PRELID2: variants seen among roughly 807,000 people sequenced by gnomAD.
PRELID2 encodes PRELI domain-containing protein 2.
In PRELID2, 25 loss-of-function variants were observed where a neutral mutation model predicts 28.4. The ratio of observed to expected loss-of-function variants is 0.88; its 90% CI spans 0.64 to 1.23. PRELID2 has a LOEUF of 1.23. PRELID2 is among the 50% of genes most tolerant of loss of function. The pLI is 0.00. For synonymous variants in PRELID2, 76 were observed against 71.6 expected, an observed-to-expected ratio of 1.06 and a Z score of -0.31; for missense variants, 201 against 214.4, an observed-to-expected ratio of 0.94 and a Z score of 0.39.
chr5:145,324,922 T>C, the PRELID2 span, among the ~76,000 whole-genome samples: 2 of 152,302 alleles, frequency 1.3e-5, no homozygotes, highest in Non-Finnish European at 2.9e-5. Context: ...TTGTAGGTTC[T>C]GTTTCATTCA....
chr5:145,333,229 A>G, the PRELID2 span, among the ~76,000 whole-genome samples: 1 of 152,178 alleles, frequency 6.6e-6, no homozygotes. Flanking sequence ...GGTGTCTCCC[A>G]GTCAGGAGGC....
chr5:145,250,315 T>C, the PRELID2 span, among the ~76,000 whole-genome samples: 1 of 152,136 alleles, frequency 6.6e-6, no homozygotes, highest in Admixed American at 6.6e-5. Context: ...GAGTATTTTA[T>C]AGTCAGCAAT....
At chr5:145,719,670 A>C (rs573589270) in intron 1 of PRELID2, among the ~76,000 whole-genome samples, 5 of 152,122 alleles carry the variant, frequency 3.3e-5, no homozygotes, top group African/African-American at 9.6e-5. Flanking sequence ...CTGATACACA[A>C]AATAAAGACT....
At chr5:145,249,974 G>A in the PRELID2 span, among the ~76,000 whole-genome samples, 118 of 149,708 alleles carry the variant, frequency 7.9e-4, no homozygotes, top group African/African-American at 2.9e-3. Flanking sequence ...TCCTTTTGAT[G>A]CATAGCCAAT....
intron 1 of PRELID2, among the ~76,000 whole-genome samples, chr5:145,702,999 A>T (rs1299471110): frequency 6.6e-6 from 1 of 152,218 alleles, no homozygotes; most frequent in Non-Finnish European, 1.5e-5. Flanking sequence ...GCAATTACTC[A>T]ACTCTCAACC....
At chr5:145,498,722 G>GT (rs369478611) in intron 1 of PRELID2, among the ~76,000 whole-genome samples, 6 of 151,778 alleles carry the variant, frequency 4.0e-5, no homozygotes, top group Admixed American at 6.6e-5. Flanking sequence ...GTTTTGTTTT[G>GT]TTTTTTGTAT....
chr5:145,499,381 T>C (rs1752338140), intron 1 of PRELID2, among the ~76,000 whole-genome samples: 1 of 152,234 alleles, frequency 6.6e-6, no homozygotes, highest in African/African-American at 2.4e-5. Context: ...TTAGTGATTT[T>C]CCTCTCTATC....
At chr5:145,544,411 G>GTGCTGGTC (rs1360081005) in intron 1 of PRELID2, among the ~76,000 whole-genome samples, 1 of 152,090 alleles carries the variant, frequency 6.6e-6, no homozygotes, top group African/African-American at 2.4e-5. Flanking sequence ...AGGTACAAAT[G>GTGCTGGTC]TGCTGGTCAA....
At chr5:145,462,686 A>G in the PRELID2 span, among the ~76,000 whole-genome samples, 1 of 152,248 alleles carries the variant, frequency 6.6e-6, no homozygotes, top group African/African-American at 2.4e-5. Context: ...GCTGAAAGAG[A>G]AGAAAGAAGA....
At chr5:145,479,638 G>C (rs1752138065) in intron 1 of PRELID2, among the ~76,000 whole-genome samples, 1 of 152,172 alleles carries the variant, frequency 6.6e-6, no homozygotes, top group South Asian at 2.1e-4. Context: ...TAAGTGCTCA[G>C]TAAATATGTA....
At chr5:145,431,623 A>G in the PRELID2 span, among the ~76,000 whole-genome samples, 1 of 152,190 alleles carries the variant, frequency 6.6e-6, no homozygotes, top group Non-Finnish European at 1.5e-5. Flanking sequence ...ATTTCTGCCA[A>G]AAATGTACAA....
At chr5:145,751,235 C>T (rs1757115154) in intron 1 of PRELID2, among the ~76,000 whole-genome samples, 1 of 152,182 alleles carries the variant, frequency 6.6e-6, no homozygotes, top group South Asian at 2.1e-4. Flanking sequence ...TTCAAAATAA[C>T]CCATGATGCT....
At chr5:145,559,849 AAAG>A (rs1554076315) in intron 1 of PRELID2, among the ~76,000 whole-genome samples, 13 of 148,652 alleles carry the variant, frequency 8.7e-5, no homozygotes, top group African/African-American at 3.3e-4. Context: ...AAAAAAAAAA[AAAG>A]AAGAAGAAGA....
At chr5:145,425,380 T>A in the PRELID2 span, among the ~76,000 whole-genome samples, 5 of 152,194 alleles carry the variant, frequency 3.3e-5, no homozygotes, top group South Asian at 1.0e-3. Context: ...AGGAATACCA[T>A]TTGCCCCAAC....
intron 1 of PRELID2, among the ~76,000 whole-genome samples, chr5:145,564,009 T>C (rs1174111097): frequency 6.6e-6 from 1 of 152,204 alleles, no homozygotes; most frequent in Admixed American, 6.5e-5. Context: ...CATATGTACG[T>C]CAAAACATCA....
intron 1 of PRELID2, among the ~76,000 whole-genome samples, chr5:145,538,030 C>T (rs1050553539): frequency 6.6e-6 from 1 of 151,766 alleles, no homozygotes; most frequent in African/African-American, 2.4e-5. Context: ...TGAGATGTAA[C>T]CATCTAGTCT....
the PRELID2 span, among the ~76,000 whole-genome samples, chr5:145,400,189 T>C: frequency 6.6e-6 from 1 of 152,176 alleles, no homozygotes; most frequent in Non-Finnish European, 1.5e-5. Context: ...AGTTGTATAT[T>C]CTACAAATGT....
chr5:145,774,862 C>T (rs1758317310), intron 5 of PRELID2, among the ~76,000 whole-genome samples: 2 of 152,196 alleles, frequency 1.3e-5, no homozygotes, highest in African/African-American at 4.8e-5. Context: ...TTCACCCTCT[C>T]ACATCCTACC....
chr5:145,689,428 ATCT>A (rs1240027979), intron 1 of PRELID2, among the ~76,000 whole-genome samples: 3 of 152,240 alleles, frequency 2.0e-5, no homozygotes, highest in South Asian at 2.1e-4. Flanking sequence ...CTAGTTTCAC[ATCT>A]TCTTCCAGCT....
Sources: allele counts gnomAD v4.1 joint callset (sites outside exome capture counted in the v4.1 genomes callset), GRCh38; gene constraint gnomAD v4.1.1; transcripts MANE v1.5; gene names NCBI Gene and HGNC (gene_info 2026-07-23, HGNC 2026-07-21).